ABCC1: variants seen among roughly 807,000 people sequenced by gnomAD.
ABCC1 encodes the protein multidrug resistance-associated protein 1.
Under a neutral mutation model 172.9 loss-of-function variants are expected in ABCC1, and 83 were observed. The ratio of observed to expected loss-of-function variants is 0.48; its 90% CI spans 0.40 to 0.58. The LOEUF (loss-of-function observed/expected upper bound fraction) is 0.58. Among genes scored for constraint, ABCC1 ranks in the 20% least tolerant of loss-of-function variants. The probability of loss-of-function intolerance (pLI) is 0.00; values close to 1 mark genes in which losing one functional copy is unlikely to be tolerated. For missense variants in ABCC1, 1,817 were observed against 2,002.7 expected, an observed-to-expected ratio of 0.91 and a Z score of 1.77; for synonymous variants, 937 against 825.2, an observed-to-expected ratio of 1.14 and a Z score of -2.32.
chr16:16,055,942 C>A, intron 11 of ABCC1, 150 bp from the exon 12 acceptor site: 1 of 729,154 alleles, frequency 1.4e-6, no homozygotes, highest in East Asian at 2.7e-5. Context: ...GAAACCCCAT[C>A]TCTATTGAAA....
chr16:15,973,792 A>G (rs2046422309), intron 1 of ABCC1, among the ~76,000 whole-genome samples: 1 of 151,956 alleles, frequency 6.6e-6, no homozygotes, highest in South Asian at 2.1e-4. Flanking sequence ...CCTGGGCAAC[A>G]TAGCGAGACC....
intron 5 of ABCC1, among the ~76,000 whole-genome samples, chr16:16,019,089 TTGTTGTTTTTTTC>T (rs1357880187): frequency 6.6e-6 from 1 of 151,964 alleles, no homozygotes; most frequent in Non-Finnish European, 1.5e-5. Flanking sequence ...TGTCTTTTGT[TTGTTGTTTTTTTC>T]TGTTGTTTTG....
intron 6 of ABCC1, among the ~76,000 whole-genome samples, chr16:16,035,693 C>G (rs1241306347): frequency 6.6e-6 from 1 of 151,566 alleles, no homozygotes; most frequent in African/African-American, 2.4e-5. Flanking sequence ...GATAGTCTCC[C>G]TATGTTGTCC....
At chr16:16,115,888 A>ATTCT (rs1008586210) in intron 23 of ABCC1, among the ~76,000 whole-genome samples, 2 of 150,492 alleles carry the variant, frequency 1.3e-5, no homozygotes, top group African/African-American at 2.4e-5. Flanking sequence ...CAAGCCTTTC[A>ATTCT]TTCTTTCTTT....
chr16:15,949,936 G>A lies in ABCC1; in HGVS notation c.48+137G>A, dbSNP rs2045827337. On this transcript the variant is annotated intron_variant, in intron 1 of 30. Coordinates refer to ENST00000399410, the MANE Select transcript of ABCC1 (RefSeq NM_004996.4). ...CTCGGGGGCCCGGGACCCTCACGTCGCCCGCGGCCCAGCCCCTTTCGGGGG... is the reference window on the plus strand; with the variant it reads ...CTCGGGGGCCCGGGACCCTCACGTCACCCGCGGCCCAGCCCCTTTCGGGGG... The A allele has an allele frequency of 4.3e-6, 3 of 690,708 alleles. 1 individual carries two copies. The highest frequency in any genetic ancestry group is 6.9e-5 in the South Asian group (1 of 14,444). 42.8% of individuals were successfully genotyped at this position (690,708 alleles called of 1,614,324 possible).
intron 1 of ABCC1, among the ~76,000 whole-genome samples, chr16:15,966,262 A>T (rs573747044): frequency 6.7e-6 from 1 of 149,868 alleles, no homozygotes; most frequent in South Asian, 2.1e-4. Flanking sequence ...AAAATACAAA[A>T]ATTAGCTGGC....
intron 7 of ABCC1, among the ~76,000 whole-genome samples, chr16:16,036,984 A>G (rs1261349355): frequency 2.0e-5 from 3 of 152,028 alleles, no homozygotes; most frequent in East Asian, 1.9e-4. Context: ...GGCGCCTGTA[A>G]TCATAGCTAC....
At chr16:15,990,175 C>T (rs1220964087) in intron 1 of ABCC1, among the ~76,000 whole-genome samples, 1 of 152,162 alleles carries the variant, frequency 6.6e-6, no homozygotes, top group Non-Finnish European at 1.5e-5. Flanking sequence ...CTGCCTCAGC[C>T]TCCCAAGCAG....
chr16:16,018,264 T>C (rs1006280443), intron 5 of ABCC1, among the ~76,000 whole-genome samples: 5 of 152,138 alleles, frequency 3.3e-5, no homozygotes, highest in African/African-American at 1.2e-4. Context: ...AACCTATGTC[T>C]CAGGCCAGGT....
At chr16:16,090,157 T>TCC (rs1451886146) in intron 18 of ABCC1, among the ~76,000 whole-genome samples, 1 of 152,162 alleles carries the variant, frequency 6.6e-6, no homozygotes, top group African/African-American at 2.4e-5. Flanking sequence ...TTTGTTTCCT[T>TCC]CCCCTTCCCC....
chr16:16,075,573 G>A (rs925481614), intron 14 of ABCC1, among the ~76,000 whole-genome samples: 12 of 152,184 alleles, frequency 7.9e-5, no homozygotes, highest in African/African-American at 2.9e-4. Flanking sequence ...GGAGGTTGCA[G>A]TAGGCCGAGA....
chr16:15,958,816 G>C (rs1335239339), intron 1 of ABCC1, among the ~76,000 whole-genome samples: 1 of 152,134 alleles, frequency 6.6e-6, no homozygotes, highest in Non-Finnish European at 1.5e-5. Flanking sequence ...GTATTTTGCG[G>C]GTGGGGACAT....
At chr16:16,020,332 T>G (rs2048151599) in intron 5 of ABCC1, among the ~76,000 whole-genome samples, 1 of 152,206 alleles carries the variant, frequency 6.6e-6, no homozygotes, top group African/African-American at 2.4e-5. Flanking sequence ...TTTGATTGGC[T>G]GACACTCTCT....
At chr16:16,005,739 C>A (rs2047506374) in intron 1 of ABCC1, among the ~76,000 whole-genome samples, 2 of 152,110 alleles carry the variant, frequency 1.3e-5, no homozygotes, top group Non-Finnish European at 2.9e-5. Flanking sequence ...GGCAGATCAC[C>A]TGAGGTTTAG....
rs368230825 is a variant in ABCC1 at position 15,976,121 on chromosome 16, A to C, written c.48+26322A>C. Among the ~76,000 whole-genome samples the C allele has an allele frequency of 9.2e-5, 14 of 152,054 alleles. 1 individual carries two copies. The East Asian group carries it at 2.7e-3, about 30-fold the overall frequency. On this transcript the variant is annotated intron_variant, in intron 1 of 30. Coordinates refer to ENST00000399410, the MANE Select transcript of ABCC1 (RefSeq NM_004996.4). ...TCTCTACTAAAATATAAAATCAATC[A>C]GGCGTGGTGATGGCACATGCCTGTG... is the stretch of plus-strand genomic sequence containing the variant.
At chr16:15,988,220 A>T (rs1197520637) in intron 1 of ABCC1, among the ~76,000 whole-genome samples, 1 of 152,110 alleles carries the variant, frequency 6.6e-6, no homozygotes, top group Non-Finnish European at 1.5e-5. Flanking sequence ...GCCTGGCTCA[A>T]TCCTGTATTT....
intron 12 of ABCC1, among the ~76,000 whole-genome samples, chr16:16,065,609 T>G (rs1241485412): frequency 6.6e-6 from 1 of 152,070 alleles, no homozygotes; most frequent in Non-Finnish European, 1.5e-5. Context: ...ATTTTTGTAT[T>G]TTTAGTAGAG....
Position 15,997,805 on chromosome 16 carries a change from CT to C in ABCC1, c.49-9989del, listed in dbSNP as rs34346901. Among the ~76,000 whole-genome samples the C allele has an allele frequency of 1.4e-4, 16 of 116,842 alleles. No homozygotes were observed. The South Asian group carries it at 1.5e-3, about 11-fold the overall frequency. The allele number at this position is 116,842 out of a possible 152,430, so 76.7% of individuals were successfully genotyped here. On this transcript the variant is annotated intron_variant, in intron 1 of 30. Coordinates refer to ENST00000399410, the MANE Select transcript of ABCC1 (RefSeq NM_004996.4). ...AGGAACATCCAGGAGGCCTCGATACCTTTTTTTTTTTTTTTTTTTTTTCCCT... is the reference window on the plus strand; with the variant it reads ...AGGAACATCCAGGAGGCCTCGATACCTTTTTTTTTTTTTTTTTTTTTCCCT...
chr16:16,107,627 C>G (rs1424665200), intron 21 of ABCC1, among the ~76,000 whole-genome samples: 1 of 152,158 alleles, frequency 6.6e-6, no homozygotes, highest in African/African-American at 2.4e-5. Flanking sequence ...GATTACGTCC[C>G]TGAGAAAGTC....
Sources: allele counts gnomAD v4.1 joint callset (sites outside exome capture counted in the v4.1 genomes callset), GRCh38; gene constraint gnomAD v4.1.1; transcripts MANE v1.5; gene names NCBI Gene and HGNC (gene_info 2026-07-23, HGNC 2026-07-21).